The following PNPT1 variants were observed in gnomAD, a reference collection of about 807,000 sequenced individuals.
PNPT1 encodes polyribonucleotide nucleotidyltransferase 1.
PNPT1 carries 53 observed loss-of-function variants against 119.5 expected under a neutral mutation model. The observed-to-expected ratio is 0.44, with a 90% CI of 0.36 to 0.56. The LOEUF (loss-of-function observed/expected upper bound fraction) is 0.56. PNPT1 is among the 20% of genes least tolerant of loss of function. The pLI, the probability that PNPT1 is intolerant of heterozygous loss-of-function variation, is 0.00. For missense variants in PNPT1, 948 were observed against 938.5 expected, an observed-to-expected ratio of 1.01 and a Z score of -0.13; for synonymous variants, 357 against 322.1, an observed-to-expected ratio of 1.11 and a Z score of -1.16.
chr2:55,693,417 G>A (rs551562604), intron 1 of PNPT1, among the ~76,000 whole-genome samples: 1 of 152,298 alleles, frequency 6.6e-6, no homozygotes, highest in East Asian at 1.9e-4. Flanking sequence ...AAGTCAGGTG[G>A]ACGGACAGAG....
At chr2:55,660,243 T>G (rs558316403) in intron 14 of PNPT1, 50 bp from the exon 15 acceptor site, 1 of 1,509,580 alleles carries the variant, frequency 6.6e-7, no homozygotes, top group South Asian at 1.3e-5. Context: ...AAAAACATAT[T>G]TATTTCAAAA....
chr2:55,668,472 A>C (rs939102804), intron 11 of PNPT1, among the ~76,000 whole-genome samples: 8 of 152,206 alleles, frequency 5.3e-5, no homozygotes, highest in African/African-American at 1.9e-4. Flanking sequence ...TCCTGAAGTC[A>C]GGCAATCTGT....
intron 1 of PNPT1, among the ~76,000 whole-genome samples, chr2:55,691,214 C>A (rs1367873755): frequency 1.3e-5 from 2 of 152,238 alleles, no homozygotes; most frequent in Non-Finnish European, 2.9e-5. Flanking sequence ...GTGGCATATT[C>A]TGTTGAATAT....
At chr2:55,646,955 C>A (rs915831793) in intron 19 of PNPT1, among the ~76,000 whole-genome samples, 11 of 152,150 alleles carry the variant, frequency 7.2e-5, no homozygotes, top group Non-Finnish European at 4.4e-5. Flanking sequence ...TCTGCCTCAG[C>A]CTGCCAAGTA....
At chr2:55,672,612 G>A (rs552240164) in intron 9 of PNPT1, among the ~76,000 whole-genome samples, 68 of 152,214 alleles carry the variant, frequency 4.5e-4, no homozygotes, top group Admixed American at 3.9e-3. Flanking sequence ...ATATCTTAAC[G>A]TTTTATTCTT....
At chr2:55,670,333 C>A (rs978014871) in intron 11 of PNPT1, among the ~76,000 whole-genome samples, 2 of 151,700 alleles carry the variant, frequency 1.3e-5, no homozygotes, top group Non-Finnish European at 2.9e-5. Context: ...ACCACAGGTG[C>A]CCGCCACCAC....
intron 18 of PNPT1, among the ~76,000 whole-genome samples, chr2:55,650,957 C>T (rs1321374720): frequency 6.7e-6 from 1 of 149,658 alleles, no homozygotes; most frequent in Non-Finnish European, 1.5e-5. Context: ...GGGGATCAGC[C>T]CCCCGCCCGG....
intron 26 of PNPT1, among the ~76,000 whole-genome samples, chr2:55,638,209 G>T (rs1056366583): frequency 6.6e-6 from 1 of 151,686 alleles, no homozygotes; most frequent in African/African-American, 2.4e-5. Context: ...GGCTGAGGCA[G>T]GAGAATTGCC....
chr2:55,657,853 C>A (rs1378082387), intron 15 of PNPT1, among the ~76,000 whole-genome samples: 3 of 22,820 alleles, frequency 1.3e-4, no homozygotes, highest in Non-Finnish European at 2.2e-4. Context: ...AATAGATAGA[C>A]TGCAAAAAAA....
At chr2:55,688,250 G>A (rs1697479529) in intron 1 of PNPT1, among the ~76,000 whole-genome samples, 1 of 151,866 alleles carries the variant, frequency 6.6e-6, no homozygotes, top group South Asian at 2.1e-4. Context: ...ATATTGTTTA[G>A]GCTGGTCTTG....
Position 55,663,093 on chromosome 2 carries a change from CCAGT to C in PNPT1, c.1177-1071_1177-1068del, listed in dbSNP as rs986081103. On this transcript the variant is annotated intron_variant, in intron 13 of 27. Coordinates refer to ENST00000447944, the MANE Select transcript of PNPT1 (RefSeq NM_033109.5). The stretch of plus-strand genomic sequence containing the variant: ...TAGAGATGGGGTTTCACTGTGTTAG[CCAGT>C]ATGGTCTCGATCTCCTGACCTCGTG... Among the ~76,000 whole-genome samples, 24 of 152,178 alleles carry C rather than the reference CCAGT, an allele frequency of 1.6e-4. 1 individual carries two copies. The highest frequency in any genetic ancestry group is 4.3e-4 in the African/African-American group (18 of 41,512).
chr2:55,683,907 T>A, intron 4 of PNPT1, 73 bp from the exon 5 acceptor site: 1 of 1,381,226 alleles, frequency 7.2e-7, no homozygotes, highest in South Asian at 1.2e-5. Context: ...TTTGAACTAA[T>A]ATAGATAGCC....
intron 21 of PNPT1, among the ~76,000 whole-genome samples, chr2:55,645,816 C>G (rs578097243): frequency 2.8e-5 from 4 of 144,712 alleles, no homozygotes; most frequent in Admixed American, 7.2e-5. Flanking sequence ...GCCACCATGC[C>G]ATGCCTGGCT....
At chr2:55,647,517 T>G in intron 18 of PNPT1, 64 bp from the exon 19 acceptor site, 1 of 1,285,986 alleles carries the variant, frequency 7.8e-7, no homozygotes, top group Non-Finnish European at 1.1e-6. Flanking sequence ...AATATTTATC[T>G]ATCAATTTTT....
At position 55,641,546 on chromosome 2, in the gene PNPT1, A is replaced by G. The variant is rs575861878; in HGVS notation, c.2070-841T>C. Reference sequence around the variant, plus strand: ...TATTTTAAAAATAGTATAGAATCTCATATGATTAACCTGTAAGGTAAGGAT... The same window carrying G: ...TATTTTAAAAATAGTATAGAATCTCGTATGATTAACCTGTAAGGTAAGGAT... On this transcript the variant is annotated intron_variant, in intron 25 of 27. Transcript: ENST00000447944. 4.1e-4 allele frequency among the ~76,000 whole-genome samples: 63 copies of G among 152,224 alleles called. 2 individuals are homozygous for G. Among genetic ancestry groups the G allele is most frequent in the African/African-American group, 1.3e-3 (54 of 41,564 alleles).
At chr2:55,686,049 A>G (rs1697396815) in intron 3 of PNPT1, among the ~76,000 whole-genome samples, 1 of 152,188 alleles carries the variant, frequency 6.6e-6, no homozygotes, top group South Asian at 2.1e-4. Flanking sequence ...TGGAGGGCTG[A>G]CTGTACTTGC....
At chr2:55,684,567 G>C (rs963858803) in intron 4 of PNPT1, among the ~76,000 whole-genome samples, 7 of 152,212 alleles carry the variant, frequency 4.6e-5, no homozygotes, top group African/African-American at 1.7e-4. Context: ...TTCAGTAGCT[G>C]ATGAACATAA....
intron 1 of PNPT1, among the ~76,000 whole-genome samples, chr2:55,688,020 T>A (rs782576): frequency 0.93 from 141,148 of 151,656 alleles, 66,226 homozygotes; most frequent in African/African-American, 0.97. Context: ...GGGGGTGGTC[T>A]TTGTGCCTTG....
At chr2:55,680,804 C>T (rs1444527719) in intron 6 of PNPT1, 45 bp from the exon 7 acceptor site, 18 of 1,611,106 alleles carry the variant, frequency 1.1e-5, no homozygotes, top group African/African-American at 2.7e-5. Context: ...AATTTCATTG[C>T]TTTAAAAAAA....
Sources: allele counts gnomAD v4.1 joint callset (sites outside exome capture counted in the v4.1 genomes callset), GRCh38; gene constraint gnomAD v4.1.1; transcripts MANE v1.5; gene names NCBI Gene and HGNC (gene_info 2026-07-23, HGNC 2026-07-21).